Variants in PDE4D observed in about 807,000 individuals in gnomAD.
PDE4D encodes the protein 3',5'-cyclic-AMP phosphodiesterase 4D.
PDE4D carries 24 observed loss-of-function variants against 87.4 expected under a neutral mutation model. The observed-to-expected ratio is 0.27, with a 90% CI of 0.20 to 0.39. The LOEUF (loss-of-function observed/expected upper bound fraction) is 0.39, where lower values mean the gene tolerates loss of function less well. Ranked by LOEUF, PDE4D falls within the 10% of genes least tolerant of loss-of-function variation. The pLI is 1.00. For synonymous variants in PDE4D, 384 were observed against 383.2 expected (o/e 1.00, Z -0.02); for missense variants, 714 against 1,041.0 (o/e 0.69, Z 4.32).
At chr5:60,401,558 GATA>G (rs1561211068) in intron 1 of PDE4D, among the ~76,000 whole-genome samples, 1 of 152,204 alleles carries the variant, frequency 6.6e-6, no homozygotes, top group African/African-American at 2.4e-5. Context: ...GCTTTGAACT[GATA>G]ATGATGTACA....
rs561534577 is a variant in PDE4D at position 60,235,025 on chromosome 5, A to T, written c.-89-49338T>A. Among the ~76,000 whole-genome samples, 5 of 152,042 alleles carry T rather than the reference A, an allele frequency of 3.3e-5. No homozygotes were observed. The South Asian group carries it at 6.2e-4, about 19-fold the overall frequency. ...GAAAATATAAACTGTGTTCTAGATAACAGGCTTAAAGTCATAGCCATAAAG... is the reference window on the plus strand; with the variant it reads ...GAAAATATAAACTGTGTTCTAGATATCAGGCTTAAAGTCATAGCCATAAAG... On this transcript the variant is annotated intron_variant, in intron 1 of 16. Coordinates refer to the PDE4D transcript ENST00000502484.
At position 60,240,359 on chromosome 5, in the gene PDE4D, G is replaced by T. The variant is rs74961770; in HGVS notation, c.-89-54672C>A. Reference sequence around the variant, plus strand: ...ATCAGGTACCAGCTCAGCTATGGTGGGTTAGGGCAACAAGCAGACTCTTGG... The same window carrying T: ...ATCAGGTACCAGCTCAGCTATGGTGTGTTAGGGCAACAAGCAGACTCTTGG... On this transcript the variant is annotated intron_variant, in intron 1 of 16. Coordinates refer to the PDE4D transcript ENST00000502484. Among the ~76,000 whole-genome samples the T allele has an allele frequency of 7.5e-3, 1,143 of 152,130 alleles. 12 individuals are homozygous for T. The highest frequency in any genetic ancestry group is 0.026 in the African/African-American group (1,098 of 41,496).
At chr5:59,181,152 C>A (rs955047198) in intron 4 of PDE4D, among the ~76,000 whole-genome samples, 2 of 151,862 alleles carry the variant, frequency 1.3e-5, no homozygotes, top group African/African-American at 2.4e-5. Context: ...TGAAAAACAC[C>A]TCTGATATAT....
intron 1 of PDE4D, among the ~76,000 whole-genome samples, chr5:60,329,845 G>C (rs1562329866): frequency 6.6e-6 from 1 of 152,132 alleles, no homozygotes; most frequent in Non-Finnish European, 1.5e-5. Context: ...CTTTAAAAAT[G>C]ACCAAAGCCT....
intron 1 of PDE4D, among the ~76,000 whole-genome samples, chr5:59,752,570 G>A (rs1488466574): frequency 6.6e-6 from 1 of 152,140 alleles, no homozygotes. Context: ...CCCTAGGGCA[G>A]TAGTTCTTAA....
At position 59,079,848 on chromosome 5, in the gene PDE4D, G is replaced by GGAGAGGAGAGGAGAGGAGAGGAGAGGAGA. The variant is rs1561447222; in HGVS notation, c.809-40878_809-40877insTCTCCTCTCCTCTCCTCTCCTCTCCTCTC. On this transcript the variant is annotated intron_variant, in intron 5 of 14. Coordinates refer to ENST00000340635, the MANE Select transcript of PDE4D (RefSeq NM_001104631.2). ...AGGAAAGGAAAGGAGGGGAGAGGAG[G>GGAGAGGAGAGGAGAGGAGAGGAGAGGAGA]GGAGAGGAGAGGAGAGGAGAGGAGA... Among the ~76,000 whole-genome samples, 172 of 97,940 alleles carry GGAGAGGAGAGGAGAGGAGAGGAGAGGAGA rather than the reference G, an allele frequency of 1.8e-3. 6 individuals are homozygous for GGAGAGGAGAGGAGAGGAGAGGAGAGGAGA. Among genetic ancestry groups the GGAGAGGAGAGGAGAGGAGAGGAGAGGAGA allele is most frequent in the African/African-American group, 5.2e-3 (124 of 23,712 alleles). The allele number at this position is 97,940 out of a possible 152,430, so 64.3% of individuals were successfully genotyped here.
At chr5:59,083,616 T>C (rs560239373) in intron 5 of PDE4D, among the ~76,000 whole-genome samples, 2 of 152,186 alleles carry the variant, frequency 1.3e-5, no homozygotes, top group African/African-American at 2.4e-5. Context: ...CTGCTATTTA[T>C]GGAAATCAGA....
chr5:59,046,633 A>C (rs1254534021), intron 5 of PDE4D, among the ~76,000 whole-genome samples: 3 of 152,096 alleles, frequency 2.0e-5, no homozygotes, highest in African/African-American at 7.2e-5. Context: ...CCTTTCTCCC[A>C]ATCGTCAATA....
chr5:59,928,549 G>C (rs935557474), intron 3 of PDE4D, among the ~76,000 whole-genome samples: 1 of 152,076 alleles, frequency 6.6e-6, no homozygotes, highest in African/African-American at 2.4e-5. Context: ...CTGCACTCCA[G>C]CCTGGGCAAC....
rs1741838970 is a variant in PDE4D, at chr5:59,642,900, T to C, written c.455+250268A>G. ...TACTTCTAATAAACTCTTGTTTAGGTAAAATCAATATAACAAAAAATTACT... is the reference window on the plus strand; with the variant it reads ...TACTTCTAATAAACTCTTGTTTAGGCAAAATCAATATAACAAAAAATTACT... On this transcript the variant is annotated intron_variant, in intron 1 of 14. Transcript: ENST00000340635. Among the ~76,000 whole-genome samples, 4 of 152,288 alleles carry C rather than the reference T, an allele frequency of 2.6e-5. No individual in the cohort carries two copies. In the South Asian group the frequency reaches 8.3e-4, roughly 32 times the overall value.
intron 1 of PDE4D, among the ~76,000 whole-genome samples, chr5:59,862,542 C>T (rs1209172454): frequency 2.0e-5 from 3 of 152,082 alleles, no homozygotes; most frequent in Non-Finnish European, 4.4e-5. Context: ...GTTTTGCCAC[C>T]TTTGCCAGGT....
chr5:59,280,773 G>A (rs182226471), intron 1 of PDE4D, among the ~76,000 whole-genome samples: 65 of 152,198 alleles, frequency 4.3e-4, no homozygotes, highest in African/African-American at 1.4e-3. Context: ...TGAGGCTTGT[G>A]TACTGGGAGT....
intron 1 of PDE4D, among the ~76,000 whole-genome samples, chr5:59,644,134 C>T (rs1204498124): frequency 6.6e-6 from 1 of 152,174 alleles, no homozygotes; most frequent in Non-Finnish European, 1.5e-5. Context: ...TTCTACAGGG[C>T]AGGCCTGAGC....
chr5:59,818,536 C>G (rs1298070514), intron 1 of PDE4D, among the ~76,000 whole-genome samples: 1 of 152,182 alleles, frequency 6.6e-6, no homozygotes, highest in Non-Finnish European at 1.5e-5. Flanking sequence ...TCAATTAAAT[C>G]TTTTCTGAGC....
At chr5:60,508,229 A>T (rs963902410) in intron 1 of PDE4D, among the ~76,000 whole-genome samples, 1 of 152,202 alleles carries the variant, frequency 6.6e-6, no homozygotes. Flanking sequence ...GACCAGCCAA[A>T]ACCTTCTTTG....
At chr5:59,314,114 G>C (rs1351039919) in intron 1 of PDE4D, 1 of 152,034 alleles carries the variant, frequency 6.6e-6, no homozygotes, top group Non-Finnish European at 1.5e-5. Context: ...GCTTACACTT[G>C]GTTCAAAACC....
intron 1 of PDE4D, among the ~76,000 whole-genome samples, chr5:60,218,111 A>T (rs1744080928): frequency 6.6e-6 from 1 of 152,096 alleles, no homozygotes; most frequent in Non-Finnish European, 1.5e-5. Context: ...TTCATAACTG[A>T]AAAATGAAAA....
intron 1 of PDE4D, among the ~76,000 whole-genome samples, chr5:59,653,344 C>T (rs1274624362): frequency 1.3e-5 from 2 of 151,718 alleles, no homozygotes; most frequent in Admixed American, 6.6e-5. Context: ...GCTGGGACTA[C>T]AGGCGCCCGC....
chr5:60,304,298 G>A (rs1184649032), intron 1 of PDE4D: 4 of 152,172 alleles, frequency 2.6e-5, no homozygotes, highest in Non-Finnish European at 5.9e-5. Flanking sequence ...GGCCCGTAAA[G>A]CCACATGTTC....
Sources: allele counts gnomAD v4.1 joint callset (sites outside exome capture counted in the v4.1 genomes callset), GRCh38; gene constraint gnomAD v4.1.1; transcripts MANE v1.5; gene names NCBI Gene and HGNC (gene_info 2026-07-23, HGNC 2026-07-21).